Variants in SLC44A5 observed in about 807,000 individuals in gnomAD.
SLC44A5 encodes the protein solute carrier family 44 member 5.
In SLC44A5, 57 loss-of-function variants were observed where a neutral mutation model predicts 101.8. The ratio of observed to expected loss-of-function variants is 0.56; its 90% CI spans 0.45 to 0.70. The LOEUF is 0.70. Ranked by LOEUF, SLC44A5 falls within the 30% of genes least tolerant of loss-of-function variation. The pLI is 0.00. For missense variants in SLC44A5, 737 were observed against 853.1 expected, an observed-to-expected ratio of 0.86 and a Z score of 1.70; for synonymous variants, 281 against 290.9, an observed-to-expected ratio of 0.97 and a Z score of 0.35.
intron 1 of SLC44A5, among the ~76,000 whole-genome samples, chr1:75,555,011 G>C (rs1672141272): frequency 6.6e-6 from 1 of 151,898 alleles, no homozygotes; most frequent in African/African-American, 2.4e-5. Flanking sequence ...GAAAAAAATA[G>C]AAAGACAGAA....
At chr1:75,208,322 C>T (rs1646787626) in intron 23 of SLC44A5, among the ~76,000 whole-genome samples, 1 of 152,094 alleles carries the variant, frequency 6.6e-6, no homozygotes, top group African/African-American at 2.4e-5. Context: ...CCATGCCTGG[C>T]TAATTTTTGT....
chr1:75,350,074 C>A (rs1465129827), intron 3 of SLC44A5, among the ~76,000 whole-genome samples: 3 of 151,992 alleles, frequency 2.0e-5, no homozygotes. Context: ...ATGTTGAAGT[C>A]CTACCGCGCC....
intron 1 of SLC44A5, among the ~76,000 whole-genome samples, chr1:75,600,053 GAGACCCCT>G (rs1674882790): frequency 6.6e-6 from 1 of 152,134 alleles, no homozygotes; most frequent in Non-Finnish European, 1.5e-5. Context: ...CGAAAGCAAG[GAGACCCCT>G]TAGTGCAGAG....
chr1:75,536,600 C>CAAAAA (rs1192432333), intron 2 of SLC44A5, among the ~76,000 whole-genome samples: 22 of 30,980 alleles, frequency 7.1e-4, no homozygotes, highest in East Asian at 2.1e-3. Flanking sequence ...GACTCCATCT[C>CAAAAA]AAAAAAAAAA....
chr1:75,458,527 A>C (rs1274620259), intron 2 of SLC44A5, among the ~76,000 whole-genome samples: 1 of 152,202 alleles, frequency 6.6e-6, no homozygotes, highest in Non-Finnish European at 1.5e-5. Flanking sequence ...ATAGCCCAAT[A>C]AAGAGACTGT....
intron 2 of SLC44A5, among the ~76,000 whole-genome samples, chr1:75,482,853 C>G (rs745773324): frequency 1.3e-5 from 2 of 152,038 alleles, no homozygotes; most frequent in African/African-American, 4.8e-5. Context: ...TCCTGTATTA[C>G]TTGATAAGGT....
rs577015914 is a variant in SLC44A5, at chr1:75,397,594, C to T, written c.14-973G>A. Among the ~76,000 whole-genome samples the T allele has an allele frequency of 3.8e-4, 58 of 152,198 alleles. 1 individual carries two copies. In the South Asian group the frequency reaches 0.011, roughly 29 times the overall value. On this transcript the variant is annotated intron_variant, in intron 2 of 23. Transcript: ENST00000370859. The stretch of plus-strand genomic sequence containing the variant: ...TTGAACACTTACTATGCACCAGGTG[C>T]CATGTTTCATTTATGTTATCTCATT...
At chr1:75,420,377 GAAGGA>G (rs1370247668) in intron 2 of SLC44A5, among the ~76,000 whole-genome samples, 1 of 152,020 alleles carries the variant, frequency 6.6e-6, no homozygotes, top group East Asian at 1.9e-4. Context: ...CATTCAAAAA[GAAGGA>G]AAGAAAAGAG....
intron 5 of SLC44A5, among the ~76,000 whole-genome samples, chr1:75,276,449 CT>C (rs983312993): frequency 4.9e-4 from 74 of 151,922 alleles, no homozygotes; most frequent in African/African-American, 1.1e-3. Context: ...ATGCCTTATT[CT>C]TTTTTTTGTA....
intron 2 of SLC44A5, among the ~76,000 whole-genome samples, chr1:75,465,509 G>A (rs913060719): frequency 2.0e-5 from 3 of 151,854 alleles, no homozygotes; most frequent in African/African-American, 7.3e-5. Flanking sequence ...ACCAAAATTA[G>A]TAGACGAAAA....
intron 1 of SLC44A5, among the ~76,000 whole-genome samples, chr1:75,567,702 G>C (rs1672862779): frequency 6.6e-6 from 1 of 152,168 alleles, no homozygotes; most frequent in African/African-American, 2.4e-5. Context: ...AAATGCTTAA[G>C]ATTTAGGGTC....
At chr1:75,238,470 A>C (rs1332245651) in intron 10 of SLC44A5, 43 bp downstream of exon 10, 1 of 1,519,174 alleles carries the variant, frequency 6.6e-7, no homozygotes, top group Admixed American at 2.1e-5. Flanking sequence ...GAGTGCAATA[A>C]CAAAATGCAT....
At chr1:75,216,518 T>C (rs1646965446) in intron 18 of SLC44A5, among the ~76,000 whole-genome samples, 1 of 152,006 alleles carries the variant, frequency 6.6e-6, no homozygotes. Context: ...GAAGCTGCCA[T>C]ACTGTTTTCT....
At chr1:75,376,258 G>T (rs1470523467) in intron 3 of SLC44A5, among the ~76,000 whole-genome samples, 1 of 152,258 alleles carries the variant, frequency 6.6e-6, no homozygotes, top group Admixed American at 6.5e-5. Flanking sequence ...CGAGGCTGGG[G>T]GAGGGGCGCC....
chr1:75,553,620 T>C (rs1672059557), intron 1 of SLC44A5, among the ~76,000 whole-genome samples: 2 of 152,284 alleles, frequency 1.3e-5, no homozygotes, highest in Non-Finnish European at 2.9e-5. Flanking sequence ...GAAAGGTATG[T>C]CAATAAAAGA....
chr1:75,403,973 A>G (rs780624781), intron 2 of SLC44A5, among the ~76,000 whole-genome samples: 4 of 152,130 alleles, frequency 2.6e-5, no homozygotes, highest in Admixed American at 6.5e-5. Flanking sequence ...AGGAATTGCT[A>G]ACTAGAATAA....
chr1:75,681,861 A>G, the SLC44A5 span, among the ~76,000 whole-genome samples: 1 of 152,196 alleles, frequency 6.6e-6, no homozygotes, highest in South Asian at 2.1e-4. Context: ...AGAAAACCCC[A>G]CTGTCTCAGC....
Position 75,202,997 on chromosome 1 carries a change from TCAAA to T in SLC44A5, c.*726_*729del, listed in dbSNP as rs778229775. 2 of 152,188 alleles carry T rather than the reference TCAAA, an allele frequency of 1.3e-5. No homozygotes were observed. 9.4% of individuals were successfully genotyped at this position (152,188 alleles called of 1,614,324 possible). A position where few individuals can be genotyped will look rare whatever the true frequency, so the allele number is the denominator to read the frequency against. ...AATGTATTCCATAATAGTGAGGATATCAAACAGAGCAAAATGACAAATGTTTTCC... is the reference window on the plus strand; with the variant it reads ...AATGTATTCCATAATAGTGAGGATATCAGAGCAAAATGACAAATGTTTTCC... On this transcript the variant is annotated 3_prime_UTR_variant, in exon 24 of 24. Coordinates refer to ENST00000370859, the MANE Select transcript of SLC44A5 (RefSeq NM_001130058.2).
At chr1:75,274,202 C>G (rs924689129) in intron 6 of SLC44A5, among the ~76,000 whole-genome samples, 2 of 151,316 alleles carry the variant, frequency 1.3e-5, no homozygotes, top group African/African-American at 4.9e-5. Flanking sequence ...CCATCTAGAG[C>G]CAGCTTTTAT....
Sources: gnomAD v4.1 joint callset for allele counts (sites outside exome capture counted in the v4.1 genomes callset) on GRCh38, gnomAD v4.1.1 for gene constraint, MANE v1.5 for transcripts, NCBI Gene and HGNC (gene_info 2026-07-23, HGNC 2026-07-21) for gene names.